RBFOX1: variants seen among roughly 807,000 people sequenced by gnomAD.
The protein encoded by RBFOX1 is RNA binding fox-1 homolog 1.
RBFOX1 carries 8 observed loss-of-function variants against 57.7 expected under a neutral mutation model. The ratio of observed to expected loss-of-function variants is 0.14; its 90% confidence interval spans 0.08 to 0.25. RBFOX1 has a LOEUF of 0.25. Ranked by LOEUF, RBFOX1 falls within the 10% of genes least tolerant of loss-of-function variation. RBFOX1 has a pLI of 1.00. For missense variants in RBFOX1, 611 were observed against 548.5 expected (o/e 1.11, Z -1.14); for synonymous variants, 326 against 222.4 (o/e 1.47, Z -4.15).
chr16:6,039,610 T>G (rs1489312428), intron 1 of RBFOX1, among the ~76,000 whole-genome samples: 1 of 152,202 alleles, frequency 6.6e-6, no homozygotes, highest in African/African-American at 2.4e-5. Flanking sequence ...CAGTGATTCC[T>G]AGGCCCCAGT....
chr16:6,236,638 G>C (rs1197373842), intron 1 of RBFOX1, among the ~76,000 whole-genome samples: 3 of 151,832 alleles, frequency 2.0e-5, no homozygotes, highest in South Asian at 2.1e-4. Context: ...TTTAGTAGAG[G>C]TGGGGTTTCA....
At chr16:6,216,442 A>G (rs1288377169) in intron 1 of RBFOX1, among the ~76,000 whole-genome samples, 4 of 152,140 alleles carry the variant, frequency 2.6e-5, no homozygotes, top group Admixed American at 2.0e-4. Flanking sequence ...CCTTTTGCCA[A>G]CACCATTAGC....
chr16:7,002,882 AG>A (rs1440381965), intron 3 of RBFOX1, among the ~76,000 whole-genome samples: 1 of 152,292 alleles, frequency 6.6e-6, no homozygotes, highest in East Asian at 1.9e-4. Context: ...CAGCGTGTTA[AG>A]ATAAGGCTAG....
intron 1 of RBFOX1, among the ~76,000 whole-genome samples, chr16:6,178,549 T>A (rs577644993): frequency 1.3e-5 from 2 of 152,260 alleles, no homozygotes; most frequent in Admixed American, 1.3e-4. Flanking sequence ...AGAATTCCCA[T>A]CACTGATGGC....
At chr16:5,756,301 G>C (rs1425863998) in intron 3 of RBFOX1, among the ~76,000 whole-genome samples, 2 of 150,204 alleles carry the variant, frequency 1.3e-5, no homozygotes, top group East Asian at 3.9e-4. Context: ...TGGGGTTGTA[G>C]TGTGGTGTGA....
chr16:6,520,567 T>C (rs1216185225), intron 2 of RBFOX1, among the ~76,000 whole-genome samples: 1 of 152,200 alleles, frequency 6.6e-6, no homozygotes, highest in Admixed American at 6.5e-5. Context: ...ACATTGGTTC[T>C]AACTTGTGAA....
chr16:5,892,461 G>C lies in RBFOX1; in HGVS notation c.351+25126G>C, dbSNP rs114665629. Among the ~76,000 whole-genome samples the C allele has an allele frequency of 5.8e-3, 886 of 152,230 alleles. 9 individuals carry two copies. The highest frequency in any genetic ancestry group is 0.021 in the African/African-American group (857 of 41,540). ...CTAGGGGTAATGGTACTTTAAATGG[G>C]TTAAGTGAGTTACTGCTTATAAAGT... On this transcript the variant is annotated intron_variant, in intron 4 of 19. Coordinates refer to the RBFOX1 transcript ENST00000641259.
Position 7,363,714 on chromosome 16 carries a change from G to A in RBFOX1, c.28-154433G>A, listed in dbSNP as rs899879887. Among the ~76,000 whole-genome samples, 4 of 152,192 alleles carry A rather than the reference G, an allele frequency of 2.6e-5. No individual in the cohort carries two copies. In the East Asian group the frequency reaches 5.8e-4, roughly 22 times the overall value. ...TTTTGTTGGAGGACAAAACCTTTTT[G>A]CTTACGGCTAAGTACATTTTATGGA... On this transcript the variant is annotated intron_variant, in intron 4 of 15. Coordinates refer to ENST00000550418, the MANE Select transcript of RBFOX1 (RefSeq NM_018723.4).
chr16:6,041,015 G>A (rs748682359), intron 1 of RBFOX1, among the ~76,000 whole-genome samples: 5 of 152,084 alleles, frequency 3.3e-5, no homozygotes, highest in Non-Finnish European at 7.3e-5. Context: ...AGTTTTATGG[G>A]TTTGGACAAA....
At chr16:6,005,449 A>T (rs1400419871) in intron 4 of RBFOX1, among the ~76,000 whole-genome samples, 1 of 152,262 alleles carries the variant, frequency 6.6e-6, no homozygotes, top group Admixed American at 6.5e-5. Context: ...CAAGGAGCTC[A>T]TGGTCTAGCT....
chr16:6,865,005 T>TTC (rs1164176032), intron 3 of RBFOX1, among the ~76,000 whole-genome samples: 5 of 139,812 alleles, frequency 3.6e-5, no homozygotes, highest in African/African-American at 1.4e-4. Flanking sequence ...CTTTTTTTTT[T>TTC]TTTTTTTTTT....
intron 2 of RBFOX1, among the ~76,000 whole-genome samples, chr16:6,540,027 G>A (rs1022133568): frequency 6.6e-6 from 1 of 152,118 alleles, no homozygotes; most frequent in Non-Finnish European, 1.5e-5. Flanking sequence ...CAACCCTGCA[G>A]TTCAACAGTC....
chr16:7,191,984 C>A (rs542785066), intron 4 of RBFOX1, among the ~76,000 whole-genome samples: 2 of 152,188 alleles, frequency 1.3e-5, no homozygotes, highest in Non-Finnish European at 2.9e-5. Context: ...GCTGCACAAA[C>A]GGCCCTGGTG....
chr16:6,362,017 A>C (rs1394345210), intron 2 of RBFOX1, among the ~76,000 whole-genome samples: 5 of 152,150 alleles, frequency 3.3e-5, no homozygotes, highest in Admixed American at 3.3e-4. Flanking sequence ...CTTCATGCTC[A>C]AGGAGCTTAT....
rs148751187 is a variant in RBFOX1 at position 5,725,714 on chromosome 16, C to T, written c.318+126753C>T. Among the ~76,000 whole-genome samples, 519 of 151,962 alleles carry T rather than the reference C, an allele frequency of 3.4e-3. 3 individuals carry two copies. Among genetic ancestry groups the T allele is most frequent in the African/African-American group, 0.011 (446 of 41,460 alleles). On this transcript the variant is annotated intron_variant, in intron 3 of 19. Transcript: ENST00000641259. ...ATTCACACCTGGCATGGGGGAAATCCACTGGGACATCTTTTTGCTGCCATT... is the reference window on the plus strand; with the variant it reads ...ATTCACACCTGGCATGGGGGAAATCTACTGGGACATCTTTTTGCTGCCATT...
chr16:7,067,738 A>G (rs892937792), intron 4 of RBFOX1, among the ~76,000 whole-genome samples: 1 of 121,182 alleles, frequency 8.3e-6, no homozygotes, highest in Non-Finnish European at 1.6e-5. Flanking sequence ...TCCTGTGTCC[A>G]TGTGTTCTCA....
intron 4 of RBFOX1, among the ~76,000 whole-genome samples, chr16:7,165,156 T>G (rs2079158081): frequency 6.6e-6 from 1 of 152,078 alleles, no homozygotes; most frequent in Non-Finnish European, 1.5e-5. Context: ...CTACTTGTGT[T>G]GAATATCATG....
intron 5 of RBFOX1, among the ~76,000 whole-genome samples, chr16:7,540,932 C>T (rs533643536): frequency 7.2e-4 from 109 of 152,318 alleles, no homozygotes; most frequent in African/African-American, 2.5e-3. Context: ...CCTGTGTCTT[C>T]TAGGGACCTT....
intron 4 of RBFOX1, among the ~76,000 whole-genome samples, chr16:7,370,864 C>T (rs969121253): frequency 2.6e-5 from 4 of 152,200 alleles, no homozygotes; most frequent in African/African-American, 7.2e-5. Context: ...AGAACACTGA[C>T]ATTTATGCAT....
Sources: gnomAD v4.1 joint callset for allele counts (sites outside exome capture counted in the v4.1 genomes callset) on GRCh38, gnomAD v4.1.1 for gene constraint, MANE v1.5 for transcripts, NCBI Gene and HGNC (gene_info 2026-07-23, HGNC 2026-07-21) for gene names.